Variants in CNTN4 observed in about 807,000 individuals in gnomAD.
The protein encoded by CNTN4 is contactin-4.
A neutral mutation model predicts 122.5 loss-of-function variants in CNTN4; 77 were observed. The ratio of observed to expected loss-of-function variants is 0.63; its 90% CI spans 0.52 to 0.76. The LOEUF is 0.76. CNTN4 is among the 30% of genes least tolerant of loss of function. The probability of loss-of-function intolerance (pLI) is 0.00; values close to 1 mark genes in which losing one functional copy is unlikely to be tolerated. For missense variants in CNTN4, 1,256 were observed against 1,259.1 expected (o/e 1.00, Z 0.04); for synonymous variants, 512 against 447.0 (o/e 1.15, Z -1.83).
chr3:2,880,402 CCATATACACAGCA>C (rs1188556188), intron 8 of CNTN4, among the ~76,000 whole-genome samples: 4 of 152,308 alleles, frequency 2.6e-5, no homozygotes, highest in African/African-American at 9.6e-5. Flanking sequence ...GAGTATACAG[CCATATACACAGCA>C]CTAAAAGGTG....
intron 3 of CNTN4, among the ~76,000 whole-genome samples, chr3:2,438,350 C>G (rs982580506): frequency 2.0e-5 from 3 of 152,092 alleles, no homozygotes. Context: ...GGTGAAACCC[C>G]ATCTCTACTG....
At chr3:2,545,641 T>A (rs2078213065) in intron 3 of CNTN4, among the ~76,000 whole-genome samples, 1 of 151,866 alleles carries the variant, frequency 6.6e-6, no homozygotes, top group African/African-American at 2.4e-5. Flanking sequence ...ATCCTTTTCA[T>A]CTTTGCTGGT....
At chr3:2,405,915 T>C (rs2047019268) in intron 3 of CNTN4, among the ~76,000 whole-genome samples, 1 of 151,898 alleles carries the variant, frequency 6.6e-6, no homozygotes, top group South Asian at 2.1e-4. Context: ...TAGTCCTAGC[T>C]ACTCAGGAGG....
chr3:2,887,692 T>C (rs2093994401), intron 10 of CNTN4, among the ~76,000 whole-genome samples: 2 of 152,188 alleles, frequency 1.3e-5, no homozygotes, highest in African/African-American at 2.4e-5. Context: ...AAATGCACAC[T>C]GTCCAAATTT....
At chr3:2,733,532 G>T (rs76426935) in intron 4 of CNTN4, among the ~76,000 whole-genome samples, 21,633 of 120,372 alleles carry the variant, frequency 0.18, 2,024 homozygotes, top group South Asian at 0.32. Flanking sequence ...GCATGTTTGT[G>T]TTTTTTTTTT....
At chr3:2,944,151 G>A (rs970528865) in intron 13 of CNTN4, among the ~76,000 whole-genome samples, 1 of 150,864 alleles carries the variant, frequency 6.6e-6, no homozygotes, top group African/African-American at 2.4e-5. Flanking sequence ...TGAATTTTTG[G>A]GGGGTTTTTT....
chr3:2,755,708 T>A (rs1022408876), intron 6 of CNTN4, among the ~76,000 whole-genome samples: 9 of 152,184 alleles, frequency 5.9e-5, no homozygotes, highest in African/African-American at 2.2e-4. Flanking sequence ...AAGCAGTTTG[T>A]GACATAAGAC....
At chr3:2,986,754 G>A (rs552289419) in intron 13 of CNTN4, among the ~76,000 whole-genome samples, 3 of 152,216 alleles carry the variant, frequency 2.0e-5, no homozygotes, top group South Asian at 2.1e-4. Context: ...ACGTATTACC[G>A]ATTTTTCCCT....
intron 3 of CNTN4, among the ~76,000 whole-genome samples, chr3:2,398,238 C>A (rs1212749116): frequency 6.6e-6 from 1 of 151,890 alleles, no homozygotes; most frequent in Non-Finnish European, 1.5e-5. Flanking sequence ...CAAAAAGTTT[C>A]CTGAAATAAA....
intron 4 of CNTN4, among the ~76,000 whole-genome samples, chr3:2,715,738 C>T (rs1436228380): frequency 3.3e-5 from 5 of 152,254 alleles, no homozygotes; most frequent in Middle Eastern, 3.4e-3. Flanking sequence ...GCCTTTTTGC[C>T]GTGTCCTCAC....
chr3:2,120,408 T>A (rs1201758176), intron 2 of CNTN4, among the ~76,000 whole-genome samples: 246 of 53,122 alleles, frequency 4.6e-3, no homozygotes, highest in Middle Eastern at 0.01. Context: ...TATATATATT[T>A]TTTTTTTTTT....
chr3:2,624,940 C>CT (rs1232494801), intron 4 of CNTN4, among the ~76,000 whole-genome samples: 1 of 151,892 alleles, frequency 6.6e-6, no homozygotes, highest in Non-Finnish European at 1.5e-5. Context: ...GCCTCTGATT[C>CT]TTAATTTTAG....
intron 2 of CNTN4, among the ~76,000 whole-genome samples, chr3:2,206,136 A>C (rs958184249): frequency 1.3e-5 from 2 of 152,052 alleles, no homozygotes; most frequent in African/African-American, 2.4e-5. Context: ...ATTTCTTACC[A>C]AGTAAATTAT....
intron 13 of CNTN4, among the ~76,000 whole-genome samples, chr3:2,956,989 G>A (rs75817432): frequency 2.5e-3 from 378 of 152,242 alleles, no homozygotes; most frequent in Non-Finnish European, 4.4e-3. Flanking sequence ...TTAAGGCTGA[G>A]TAATAGTCCG....
chr3:2,874,878 T>A (rs2093825614), intron 8 of CNTN4, among the ~76,000 whole-genome samples: 1 of 152,216 alleles, frequency 6.6e-6, no homozygotes, highest in Admixed American at 6.5e-5. Flanking sequence ...GCCTGTGGCC[T>A]GTTTCTGTAA....
Position 2,651,077 on chromosome 3 carries a change from C to T in CNTN4, c.55+79519C>T, listed in dbSNP as rs367640150. 2.3e-4 allele frequency among the ~76,000 whole-genome samples: 35 copies of T among 152,280 alleles called. No homozygotes were observed. In the East Asian group the frequency reaches 6.0e-3, roughly 26 times the overall value. ...CTTTTACTAGCAGACATTGAGTGAA[C>T]AAGTTTATATGTCAAAAAGACTGTT... On this transcript the variant is annotated intron_variant, in intron 4 of 24. Transcript: ENST00000418658.
chr3:3,000,687 T>TC (rs1445869973), intron 14 of CNTN4, among the ~76,000 whole-genome samples: 1 of 152,190 alleles, frequency 6.6e-6, no homozygotes, highest in African/African-American at 2.4e-5. Context: ...ATCTTAGCGT[T>TC]CTCAGGGTCT....
At chr3:2,532,886 A>G (rs968345) in intron 3 of CNTN4, among the ~76,000 whole-genome samples, 112,430 of 151,864 alleles carry the variant, frequency 0.74, 41,710 homozygotes, top group South Asian at 0.79. Context: ...GGGTGGGAAA[A>G]GAGATTATAT....
intron 3 of CNTN4, among the ~76,000 whole-genome samples, chr3:2,363,910 T>C (rs1220315524): frequency 1.3e-5 from 2 of 152,324 alleles, no homozygotes; most frequent in East Asian, 3.9e-4. Context: ...TGTAGGTGAT[T>C]TCCTACAAAT....
Sources: allele counts gnomAD v4.1 joint callset (sites outside exome capture counted in the v4.1 genomes callset), GRCh38; gene constraint gnomAD v4.1.1; transcripts MANE v1.5; gene names NCBI Gene and HGNC (gene_info 2026-07-23, HGNC 2026-07-21).